The following LPGAT1 variants were observed in gnomAD, a reference collection of about 807,000 sequenced individuals.
LPGAT1 encodes lysophosphatidylglycerol acyltransferase 1.
LPGAT1 carries 11 observed loss-of-function variants against 47.5 expected under a neutral mutation model. That is an observed-to-expected ratio of 0.23 (90% CI 0.15 to 0.38). LPGAT1 has a LOEUF of 0.38. LPGAT1 is among the 10% of genes least tolerant of loss of function. LPGAT1 has a pLI of 1.00. For synonymous variants in LPGAT1, 138 were observed against 144.2 expected (o/e 0.96, Z 0.31); for missense variants, 293 against 439.0 (o/e 0.67, Z 2.97).
intron 6 of LPGAT1, among the ~76,000 whole-genome samples, chr1:211,772,745 AC>A (rs1658227790): frequency 6.6e-6 from 1 of 152,232 alleles, no homozygotes; most frequent in East Asian, 1.9e-4. Context: ...TGTGATGTGC[AC>A]ATGAGATTTC....
chr1:211,817,650 TACTA>T (rs1422429290), intron 2 of LPGAT1, among the ~76,000 whole-genome samples: 4 of 152,250 alleles, frequency 2.6e-5, no homozygotes, highest in Admixed American at 1.3e-4. Context: ...TGAGACATTC[TACTA>T]ACTAATGAGT....
In LPGAT1 at chr1:211,787,359, A is replaced by G. The variant is rs565865564; in HGVS notation, c.453+273T>C. On this transcript the variant is annotated intron_variant, in intron 4 of 7. Transcript: ENST00000366997. ...ACAAAAATTAGCTGGGCGTAGTGGCATGCCTATAGTCCCAGCTACTCCAAA... is the reference window on the plus strand; with the variant it reads ...ACAAAAATTAGCTGGGCGTAGTGGCGTGCCTATAGTCCCAGCTACTCCAAA... Among the ~76,000 whole-genome samples the G allele has an allele frequency of 2.6e-5, 4 of 152,092 alleles. No homozygotes were observed. The South Asian group carries it at 8.3e-4, about 32-fold the overall frequency.
chr1:211,810,620 G>C (rs1162121959), intron 2 of LPGAT1, among the ~76,000 whole-genome samples: 1 of 151,948 alleles, frequency 6.6e-6, no homozygotes, highest in Non-Finnish European at 1.5e-5. Flanking sequence ...TTTTAATTGA[G>C]GTAATACAAT....
chr1:211,818,348 T>C (rs187643486), intron 2 of LPGAT1, among the ~76,000 whole-genome samples: 1 of 152,076 alleles, frequency 6.6e-6, no homozygotes, highest in Admixed American at 6.5e-5. Flanking sequence ...AACTGGACAG[T>C]AAAGGGGGTG....
chr1:211,751,210 G>C (rs1171998123), intron 6 of LPGAT1, 143 bp from the exon 7 acceptor site: 2 of 592,384 alleles, frequency 3.4e-6, no homozygotes, highest in African/African-American at 3.8e-5. Context: ...CAGCTTTTCA[G>C]GTATCTTGGT....
intron 6 of LPGAT1, among the ~76,000 whole-genome samples, chr1:211,774,247 G>A (rs980178136): frequency 7.8e-5 from 11 of 141,136 alleles, no homozygotes; most frequent in South Asian, 2.3e-4. Flanking sequence ...AGATTCTCCC[G>A]TCTCAGACTC....
rs1054466989 is a variant in LPGAT1 at position 211,830,474 on chromosome 1, G to A, written c.-28+99C>T. On this transcript the variant is annotated intron_variant, in intron 1 of 7. Transcript: ENST00000366997. This position sits in a 1 kb window ranked among gnomAD's most constrained non-coding sequence, Gnocchi z 5.9. ...CCCTCAGGCCGCTGCCGCCTCCCCGGGCCACGCGACGACGACACCCCCTTC... is the reference window on the plus strand; with the variant it reads ...CCCTCAGGCCGCTGCCGCCTCCCCGAGCCACGCGACGACGACACCCCCTTC... 18 of 1,184,172 alleles carry A rather than the reference G, an allele frequency of 1.5e-5. No individual in the cohort carries two copies. Among genetic ancestry groups the A allele is most frequent in the Non-Finnish European group, 1.9e-5 (18 of 955,236 alleles). 73.4% of individuals were successfully genotyped at this position (1,184,172 alleles called of 1,614,324 possible).
At chr1:211,806,139 A>G (rs915222400) in intron 2 of LPGAT1, among the ~76,000 whole-genome samples, 2 of 152,056 alleles carry the variant, frequency 1.3e-5, no homozygotes, top group Non-Finnish European at 2.9e-5. Context: ...ACACGCCTGT[A>G]GTCCCGGGTA....
chr1:211,782,031 C>T (rs1228510898), intron 5 of LPGAT1, among the ~76,000 whole-genome samples: 1 of 152,034 alleles, frequency 6.6e-6, no homozygotes, highest in African/African-American at 2.4e-5. Context: ...GCAATCACTG[C>T]TAACATTTTG....
At chr1:211,783,147 A>C in intron 5 of LPGAT1, 82 bp downstream of exon 5, 1 of 1,246,512 alleles carries the variant, frequency 8.0e-7, no homozygotes, top group Non-Finnish European at 1.1e-6. Context: ...TTATAAATAT[A>C]AAAAAGAACA....
intron 2 of LPGAT1, among the ~76,000 whole-genome samples, chr1:211,804,496 T>A (rs575587774): frequency 3.9e-4 from 59 of 152,312 alleles, no homozygotes; most frequent in Non-Finnish European, 7.8e-4. Flanking sequence ...TATCCAGGGA[T>A]AAGAAAACAC....
At chr1:211,799,428 G>A (rs1413181287) in intron 2 of LPGAT1, among the ~76,000 whole-genome samples, 2 of 152,062 alleles carry the variant, frequency 1.3e-5, no homozygotes, top group East Asian at 1.9e-4. Context: ...TGCAAATGAG[G>A]AAAATGAGGC....
At chr1:211,778,015 C>T (rs1004227719) in intron 6 of LPGAT1, among the ~76,000 whole-genome samples, 1 of 152,180 alleles carries the variant, frequency 6.6e-6, no homozygotes, top group African/African-American at 2.4e-5. Flanking sequence ...AATACCATGG[C>T]AACATCAGGA....
At chr1:211,774,152 T>TTTTTTTTTTTTTTTTTTTTA (rs1658293010) in intron 6 of LPGAT1, among the ~76,000 whole-genome samples, 1 of 145,390 alleles carries the variant, frequency 6.9e-6, no homozygotes, top group Non-Finnish European at 1.5e-5. Flanking sequence ...TTTTTTTTTT[T>TTTTTTTTTTTTTTTTTTTTA]GAGACAGAGT....
At chr1:211,812,945 AT>A (rs796301702) in intron 2 of LPGAT1, among the ~76,000 whole-genome samples, 81 of 152,284 alleles carry the variant, frequency 5.3e-4, no homozygotes, top group African/African-American at 1.8e-3. Context: ...TTCTGTAGTA[AT>A]TTGTTTTGGT....
chr1:211,786,897 G>T (rs1658901841), intron 4 of LPGAT1, among the ~76,000 whole-genome samples: 1 of 152,156 alleles, frequency 6.6e-6, no homozygotes, highest in South Asian at 2.1e-4. Flanking sequence ...GATGAAGGTA[G>T]TAGGCACTGT....
intron 6 of LPGAT1, among the ~76,000 whole-genome samples, chr1:211,758,832 T>C (rs561719615): frequency 2.4e-4 from 37 of 152,260 alleles, no homozygotes; most frequent in Non-Finnish European, 4.7e-4. Flanking sequence ...AAATTTTTTA[T>C]AGATACCATT....
intron 3 of LPGAT1, among the ~76,000 whole-genome samples, chr1:211,791,629 C>A (rs1273257430): frequency 1.3e-5 from 2 of 152,016 alleles, no homozygotes; most frequent in East Asian, 3.8e-4. Flanking sequence ...TGCCCATAGT[C>A]CCAGCTGCTT....
intron 2 of LPGAT1, chr1:211,802,972 A>G (rs1165649280): frequency 6.6e-6 from 1 of 152,204 alleles, no homozygotes; most frequent in East Asian, 1.9e-4. Flanking sequence ...AAAATATTGT[A>G]GAGATTATTA....
Sources: allele counts gnomAD v4.1 joint callset (sites outside exome capture counted in the v4.1 genomes callset), GRCh38; gene constraint gnomAD v4.1.1; non-coding constraint Gnocchi (gnomAD v3.1); transcripts MANE v1.5; gene names NCBI Gene and HGNC (gene_info 2026-07-23, HGNC 2026-07-21).